Variants in BTBD9 observed in about 807,000 individuals in gnomAD.
BTBD9 encodes the protein BTB domain containing 9.
Under a neutral mutation model 64.3 loss-of-function variants are expected in BTBD9, and 49 were observed. The observed-to-expected ratio is 0.76, with a 90% CI of 0.61 to 0.97. BTBD9 has a LOEUF of 0.97. Among genes scored for constraint, BTBD9 ranks in the 50% least tolerant of loss-of-function variants. The pLI is 0.00. For missense variants in BTBD9, 598 were observed against 762.1 expected (o/e 0.78, Z 2.53); for synonymous variants, 260 against 274.7 (o/e 0.95, Z 0.53).
intron 6 of BTBD9, among the ~76,000 whole-genome samples, chr6:38,561,867 C>A (rs915241390): frequency 6.6e-6 from 1 of 152,064 alleles, no homozygotes; most frequent in Non-Finnish European, 1.5e-5. Flanking sequence ...GTAACCTAAA[C>A]CTCAGCGAAA....
chr6:38,328,155 C>A (rs1763512815), intron 7 of BTBD9, among the ~76,000 whole-genome samples: 1 of 151,904 alleles, frequency 6.6e-6, no homozygotes, highest in South Asian at 2.1e-4. Flanking sequence ...TAATAAAAAC[C>A]CAATAATCTC....
chr6:38,589,000 G>A (rs904239593), intron 4 of BTBD9, among the ~76,000 whole-genome samples: 3 of 152,152 alleles, frequency 2.0e-5, no homozygotes, highest in African/African-American at 7.2e-5. Flanking sequence ...ATGCTTCCTT[G>A]TATTTATATT....
intron 6 of BTBD9, among the ~76,000 whole-genome samples, chr6:38,491,311 T>TA (rs1260142189): frequency 3.3e-5 from 5 of 152,194 alleles, no homozygotes; most frequent in African/African-American, 1.2e-4. Flanking sequence ...GGCAAGGTGT[T>TA]AGTTACATAA....
intron 6 of BTBD9, among the ~76,000 whole-genome samples, chr6:38,359,376 G>C (rs553214491): frequency 1.3e-5 from 2 of 152,162 alleles, no homozygotes; most frequent in South Asian, 2.1e-4. Context: ...ACAGACGAGA[G>C]CATGAAAAGG....
intron 7 of BTBD9, among the ~76,000 whole-genome samples, chr6:38,299,036 G>A (rs1338223003): frequency 6.6e-6 from 1 of 152,010 alleles, no homozygotes; most frequent in African/African-American, 2.4e-5. Context: ...TCCCCAGTGT[G>A]TGATGTTCCC....
At chr6:38,595,872 T>C in intron 2 of BTBD9, 4 of 984,754 alleles carry the variant, frequency 4.1e-6, no homozygotes, top group Non-Finnish European at 4.8e-6. Context: ...AAAGAACTTC[T>C]CCTTCTCGGG....
At position 38,334,927 on chromosome 6, in the gene BTBD9, T is replaced by C. The variant is rs570221239; in HGVS notation, c.1264+10057A>G. On this transcript the variant is annotated intron_variant, in intron 7 of 10. Transcript: ENST00000481247. ...TTGGCTTTGTGTCCCCACCCAAATC[T>C]CATCTTGAATTGTAATCCCCACGTG... is the stretch of plus-strand genomic sequence containing the variant. Among the ~76,000 whole-genome samples the C allele has an allele frequency of 3.3e-5, 5 of 152,268 alleles. No individual in the cohort carries two copies. The South Asian group carries it at 8.3e-4, about 25-fold the overall frequency.
chr6:38,625,809 T>C (rs1328856290), intron 1 of BTBD9, among the ~76,000 whole-genome samples: 1 of 152,190 alleles, frequency 6.6e-6, no homozygotes, highest in East Asian at 1.9e-4. Context: ...ATTTAGAAAA[T>C]GGTCGCTGCC....
chr6:38,513,071 C>A (rs565253465), intron 6 of BTBD9, among the ~76,000 whole-genome samples: 1 of 152,304 alleles, frequency 6.6e-6, no homozygotes, highest in African/African-American at 2.4e-5. Flanking sequence ...CAATGCCTAA[C>A]CATAGAATCC....
chr6:38,589,277 A>G (rs1378207389), intron 4 of BTBD9, among the ~76,000 whole-genome samples: 1 of 152,170 alleles, frequency 6.6e-6, no homozygotes, highest in East Asian at 1.9e-4. Flanking sequence ...TACTACCCTT[A>G]TACTGACCAG....
intron 8 of BTBD9, among the ~76,000 whole-genome samples, chr6:38,263,763 C>T (rs1365583940): frequency 2.6e-5 from 4 of 152,136 alleles, no homozygotes; most frequent in Non-Finnish European, 4.4e-5. Flanking sequence ...TAGGGCCCTC[C>T]GAGTTTCTCC....
At chr6:38,188,284 G>A (rs1480558532) in intron 10 of BTBD9, among the ~76,000 whole-genome samples, 3 of 152,350 alleles carry the variant, frequency 2.0e-5, no homozygotes, top group Middle Eastern at 3.4e-3. Flanking sequence ...ACAGCCAGCT[G>A]CTCTGCTAGC....
chr6:38,221,466 C>G (rs1350903832), intron 9 of BTBD9, among the ~76,000 whole-genome samples: 1 of 152,110 alleles, frequency 6.6e-6, no homozygotes, highest in African/African-American at 2.4e-5. Context: ...GATGAAGGGA[C>G]ACATGGGCCA....
chr6:38,264,277 C>G (rs1376750277), intron 8 of BTBD9, among the ~76,000 whole-genome samples: 1 of 152,024 alleles, frequency 6.6e-6, no homozygotes, highest in Non-Finnish European at 1.5e-5. Flanking sequence ...AACGAAGGGC[C>G]AGGAAAAGTA....
intron 7 of BTBD9, among the ~76,000 whole-genome samples, chr6:38,295,778 G>A (rs1354521131): frequency 2.6e-5 from 4 of 152,098 alleles, no homozygotes; most frequent in Non-Finnish European, 5.9e-5. Flanking sequence ...GGATATGGTG[G>A]CTCATGCCTG....
At chr6:38,563,297 T>C (rs1039871723) in intron 6 of BTBD9, among the ~76,000 whole-genome samples, 27 of 152,182 alleles carry the variant, frequency 1.8e-4, no homozygotes, top group African/African-American at 6.5e-4. Context: ...CTTTTCCATC[T>C]TCAAGCCTGT....
At chr6:38,254,113 C>T (rs756196690) in intron 9 of BTBD9, among the ~76,000 whole-genome samples, 11 of 151,044 alleles carry the variant, frequency 7.3e-5, no homozygotes, top group Non-Finnish European at 1.2e-4. Context: ...TGTTCTTTCT[C>T]CTGCCAGCTA....
chr6:38,553,154 C>CT (rs906874131), intron 6 of BTBD9, among the ~76,000 whole-genome samples: 2 of 151,994 alleles, frequency 1.3e-5, no homozygotes, highest in African/African-American at 4.8e-5. Context: ...TTTTTATTGT[C>CT]TTTTTTTCCC....
chr6:38,402,989 C>A (rs1767003438), intron 6 of BTBD9: 2 of 465,768 alleles, frequency 4.3e-6, no homozygotes, highest in Non-Finnish European at 8.0e-6. Context: ...GGGAGAATTG[C>A]TTAAGCCTGG....
Sources: allele counts gnomAD v4.1 joint callset (sites outside exome capture counted in the v4.1 genomes callset), GRCh38; gene constraint gnomAD v4.1.1; transcripts MANE v1.5; gene names NCBI Gene and HGNC (gene_info 2026-07-23, HGNC 2026-07-21).